PTPRN2: variants seen among roughly 807,000 people sequenced by gnomAD.
PTPRN2 encodes protein tyrosine phosphatase receptor type N2.
Under a neutral mutation model 118.8 loss-of-function variants are expected in PTPRN2, and 74 were observed. That is an observed-to-expected ratio of 0.62 (90% confidence interval 0.52 to 0.76). The LOEUF is 0.76. PTPRN2 is among the 30% of genes least tolerant of loss of function. The probability of loss-of-function intolerance (pLI) is 0.00; values close to 1 mark genes in which losing one functional copy is unlikely to be tolerated. For synonymous variants in PTPRN2, 641 were observed against 608.0 expected (o/e 1.05, Z -0.80); for missense variants, 1,481 against 1,394.4 (o/e 1.06, Z -0.99).
chr7:157,740,562 C>T (rs56301902), intron 12 of PTPRN2: 16,933 of 148,180 alleles, frequency 0.11, 1,572 homozygotes, highest in Non-Finnish European at 0.17. Context: ...ATGGCCATCA[C>T]CTGGGTTGGG....
At chr7:158,359,570 ACT>A (rs1272092794) in intron 2 of PTPRN2, among the ~76,000 whole-genome samples, 2 of 152,008 alleles carry the variant, frequency 1.3e-5, no homozygotes, top group African/African-American at 4.8e-5. Flanking sequence ...ACACCGCGAC[ACT>A]CTAGGTTGTT....
chr7:157,959,985 G>T (rs1016034097), intron 11 of PTPRN2, among the ~76,000 whole-genome samples: 1 of 152,066 alleles, frequency 6.6e-6, no homozygotes, highest in African/African-American at 2.4e-5. Flanking sequence ...TACACGGCGG[G>T]GTATTATTCA....
intron 3 of PTPRN2, among the ~76,000 whole-genome samples, chr7:158,257,813 G>A (rs1797131862): frequency 6.6e-6 from 1 of 152,236 alleles, no homozygotes; most frequent in Non-Finnish European, 1.5e-5. Context: ...CCAGGGGTGA[G>A]CCCGCCTGCA....
At chr7:158,468,667 G>T (rs1311930563) in intron 2 of PTPRN2, among the ~76,000 whole-genome samples, 2 of 152,182 alleles carry the variant, frequency 1.3e-5, no homozygotes, top group Admixed American at 1.3e-4. Flanking sequence ...TGCGCAGGGT[G>T]GTGGCAGGGC....
chr7:157,939,485 T>A (rs932074129), intron 11 of PTPRN2, among the ~76,000 whole-genome samples: 1 of 152,228 alleles, frequency 6.6e-6, no homozygotes, highest in East Asian at 1.9e-4. Flanking sequence ...CTCAGTGCTG[T>A]GTGTTGTGGG....
chr7:157,900,317 C>G lies in PTPRN2; in HGVS notation c.1724-1580G>C, dbSNP rs116284137. On this transcript the variant is annotated intron_variant, in intron 11 of 22. Transcript: ENST00000389418. ...ATGGTCATGGCTGTGTTCCAACAAA[C>G]CTTTATTTACAACAGCAGACAGTGG... Among the ~76,000 whole-genome samples the G allele has an allele frequency of 9.6e-3, 1,459 of 152,336 alleles. 29 individuals carry two copies. Among genetic ancestry groups the G allele is most frequent in the African/African-American group, 0.034 (1,406 of 41,566 alleles).
rs1336765349 is a variant in PTPRN2, at chr7:158,395,961, G to T, written c.164-79029C>A. Among the ~76,000 whole-genome samples the T allele has an allele frequency of 2.0e-5, 3 of 152,188 alleles. No individual in the cohort carries two copies. The East Asian group carries it at 5.8e-4, about 29-fold the overall frequency. Reference sequence around the variant, plus strand: ...CTTCCCTCTGCCCCCTGGTCACAGAGGTGAGAGTGGGGCCTCATCCCAGTC... The same window carrying T: ...CTTCCCTCTGCCCCCTGGTCACAGATGTGAGAGTGGGGCCTCATCCCAGTC... On this transcript the variant is annotated intron_variant, in intron 2 of 22. Transcript: ENST00000389418.
chr7:158,196,961 C>G (rs948692914), intron 4 of PTPRN2, among the ~76,000 whole-genome samples: 12 of 152,084 alleles, frequency 7.9e-5, no homozygotes, highest in African/African-American at 2.9e-4. Flanking sequence ...CCCAGGCTCC[C>G]TAGGCAGGCA....
chr7:157,540,626 T>C lies in PTPRN2; in HGVS notation c.*88A>G, dbSNP rs1275157988. The C allele has an allele frequency of 1.7e-6, 2 of 1,170,232 alleles. No homozygotes were observed. Among genetic ancestry groups the C allele is most frequent in the Non-Finnish European group, 2.5e-6 (2 of 812,750 alleles). 72.5% of individuals were successfully genotyped at this position (1,170,232 alleles called of 1,614,324 possible). ...TAAGGGCCCTATTACTATGCAGTTA[T>C]AATAGAAGACACACAATTAAAGTCA... is the stretch of plus-strand genomic sequence containing the variant. On this transcript the variant is annotated 3_prime_UTR_variant, in exon 23 of 23. Coordinates refer to ENST00000389418, the MANE Select transcript of PTPRN2 (RefSeq NM_002847.5).
At chr7:158,274,105 T>C (rs1167634140) in intron 3 of PTPRN2, among the ~76,000 whole-genome samples, 1 of 37,270 alleles carries the variant, frequency 2.7e-5, no homozygotes, top group African/African-American at 1.1e-4. Context: ...CAGACAGACA[T>C]GGGAGGAGCC....
intron 3 of PTPRN2, among the ~76,000 whole-genome samples, chr7:158,296,919 C>T (rs566052617): frequency 1.6e-4 from 25 of 152,274 alleles, no homozygotes; most frequent in Admixed American, 1.0e-3. Context: ...TGGACACGCC[C>T]GGCACTCAGG....
At chr7:157,926,230 C>T (rs1294696521) in intron 11 of PTPRN2, among the ~76,000 whole-genome samples, 2 of 151,718 alleles carry the variant, frequency 1.3e-5, no homozygotes, top group Admixed American at 6.6e-5. Flanking sequence ...ATCTATCTAC[C>T]ACTAAACCAG....
rs1800493008 is a variant in PTPRN2, at chr7:157,583,332, G to A, written c.2497-5192C>T. Among the ~76,000 whole-genome samples the A allele has an allele frequency of 6.6e-6, 1 of 152,080 alleles. No individual in the cohort carries two copies. Among genetic ancestry groups the A allele is most frequent in the Admixed American group, 6.5e-5 (1 of 15,268 alleles). The stretch of plus-strand genomic sequence containing the variant: ...GGCCTGGGGCTGAGGGTGGAATGGG[G>A]AGCAATTGATCCAAAGGTAGTAACT... On this transcript the variant is annotated intron_variant, in intron 17 of 22. Coordinates refer to ENST00000389418, the MANE Select transcript of PTPRN2 (RefSeq NM_002847.5). This position sits in a 1 kb window ranked among gnomAD's most constrained non-coding sequence, Gnocchi z 5.5.
intron 12 of PTPRN2, among the ~76,000 whole-genome samples, chr7:157,781,383 G>C (rs538423102): frequency 6.7e-6 from 1 of 148,888 alleles, no homozygotes; most frequent in Admixed American, 6.6e-5. Context: ...GTCTCTTTGA[G>C]GACAGTGCTT....
intron 12 of PTPRN2, among the ~76,000 whole-genome samples, chr7:157,774,616 G>A (rs779116391): frequency 1.1e-3 from 163 of 152,180 alleles, no homozygotes; most frequent in Non-Finnish European, 1.6e-3. Context: ...TGACAGTGTC[G>A]GCAAAAGTGG....
chr7:158,052,416 G>A (rs916782908), intron 11 of PTPRN2, among the ~76,000 whole-genome samples: 4 of 152,348 alleles, frequency 2.6e-5, no homozygotes, highest in East Asian at 1.9e-4. Flanking sequence ...GTTATTGGGG[G>A]AAGTTCTTAA....
chr7:157,777,116 G>A (rs549706455), intron 12 of PTPRN2, among the ~76,000 whole-genome samples: 7 of 149,602 alleles, frequency 4.7e-5, no homozygotes, highest in East Asian at 2.0e-4. Context: ...TTCTTTCTCC[G>A]CTTTTCCTGT....
rs565984855 is a variant in PTPRN2, at chr7:157,540,871, C to T, written c.2977-86G>A. The T allele has an allele frequency of 1.6e-4, 174 of 1,115,058 alleles. No homozygotes were observed. The South Asian group carries it at 2.1e-3, about 14-fold the overall frequency. The allele number at this position is 1,115,058 out of a possible 1,614,324, so 69.1% of individuals were successfully genotyped here. ...AGCGTCGGCTCCCTGCAGATGAAAG[C>T]GGCGTCCCCCCTTCCCAACGCAGCA... On this transcript the variant is annotated intron_variant, in intron 22 of 22. Transcript: ENST00000389418.
chr7:157,741,345 C>T (rs1800621856), intron 12 of PTPRN2, among the ~76,000 whole-genome samples: 1 of 152,218 alleles, frequency 6.6e-6, no homozygotes, highest in Non-Finnish European at 1.5e-5. Flanking sequence ...AAGCCCAAGA[C>T]TGAGAATTGG....
Sources: allele counts gnomAD v4.1 joint callset (sites outside exome capture counted in the v4.1 genomes callset), GRCh38; gene constraint gnomAD v4.1.1; non-coding constraint Gnocchi (gnomAD v3.1); transcripts MANE v1.5; gene names NCBI Gene and HGNC (gene_info 2026-07-23, HGNC 2026-07-21).